Variants in CRISPLD2 observed in about 807,000 individuals in gnomAD.
The protein encoded by CRISPLD2 is cysteine rich secretory protein LCCL domain containing 2, also known as cysteine-rich secretory protein LCCL domain-containing 2.
Under a neutral mutation model 71.1 loss-of-function variants are expected in CRISPLD2, and 47 were observed. That is an observed-to-expected ratio of 0.66 (90% CI 0.52 to 0.84). The LOEUF is 0.84. CRISPLD2 is among the 40% of genes least tolerant of loss of function. The pLI is 0.00. For missense variants in CRISPLD2, 830 were observed against 651.1 expected (o/e 1.27, Z -2.99); for synonymous variants, 317 against 250.1 (o/e 1.27, Z -2.52).
rs55718020 is a variant in CRISPLD2, at chr16:84,857,132, G to A, written c.709+2303G>A. 4.9e-3 allele frequency among the ~76,000 whole-genome samples: 740 copies of A among 152,334 alleles called. 6 individuals carry two copies. Among genetic ancestry groups the A allele is most frequent in the African/African-American group, 0.017 (702 of 41,570 alleles). On this transcript the variant is annotated intron_variant, in intron 6 of 14. Transcript: ENST00000262424. ...TTGGTCTTTGCTGCTGGCAAATTGG[G>A]CACTCAGCAGTGGCCATAGCCAGGT...
At chr16:84,862,615 A>G (rs185015552) in intron 6 of CRISPLD2, among the ~76,000 whole-genome samples, 1 of 143,776 alleles carries the variant, frequency 7.0e-6, no homozygotes, top group Non-Finnish European at 1.5e-5. Context: ...TTCAGAAGTT[A>G]TGTCCCCGAT....
At chr16:84,840,395 T>A (rs1463259984) in intron 2 of CRISPLD2, among the ~76,000 whole-genome samples, 1 of 152,236 alleles carries the variant, frequency 6.6e-6, no homozygotes, top group Non-Finnish European at 1.5e-5. Flanking sequence ...TTAAAGGACT[T>A]GTACAAACCA....
rs1215637162 is a variant in CRISPLD2 at position 84,908,134 on chromosome 16, C to G, written c.*1492C>G. The stretch of plus-strand genomic sequence containing the variant: ...ATTCTACCTGGGCACCTAGGTGATG[C>G]CTTCTTTCTTTGATTGCCTTTCTAA... On this transcript the variant is annotated 3_prime_UTR_variant, in exon 15 of 15. Coordinates refer to ENST00000262424, the MANE Select transcript of CRISPLD2 (RefSeq NM_031476.4). The G allele has an allele frequency of 3.3e-5, 5 of 152,204 alleles. No homozygotes were observed. The highest frequency in any genetic ancestry group is 5.9e-5 in the Non-Finnish European group (4 of 68,040). The allele number at this position is 152,204 out of a possible 1,614,324, so 9.4% of individuals were successfully genotyped here.
chr16:84,878,114 C>T (rs1292718237), intron 12 of CRISPLD2, among the ~76,000 whole-genome samples: 1 of 151,500 alleles, frequency 6.6e-6, no homozygotes, highest in South Asian at 2.1e-4. Flanking sequence ...TTCCCAGCTA[C>T]TCGGGAGTCT....
At chr16:84,895,847 A>G (rs2071701098) in intron 14 of CRISPLD2, among the ~76,000 whole-genome samples, 1 of 152,070 alleles carries the variant, frequency 6.6e-6, no homozygotes, top group Admixed American at 6.6e-5. Flanking sequence ...AGGCTCATGG[A>G]CTTTTTACAG....
At chr16:84,838,861 T>C in intron 2 of CRISPLD2, 126 bp downstream of exon 2, 1 of 1,225,762 alleles carries the variant, frequency 8.2e-7, no homozygotes. Context: ...GGGTCTCCTC[T>C]GGCAGGGGAG....
intron 4 of CRISPLD2, among the ~76,000 whole-genome samples, chr16:84,849,887 T>G (rs1917034444): frequency 8.7e-6 from 1 of 115,274 alleles, no homozygotes; most frequent in Non-Finnish European, 1.9e-5. Flanking sequence ...CTGGCTAATT[T>G]TTGTATTTTT....
intron 1 of CRISPLD2, among the ~76,000 whole-genome samples, chr16:84,821,452 G>A (rs1916229400): frequency 6.6e-6 from 1 of 152,216 alleles, no homozygotes; most frequent in Admixed American, 6.5e-5. Context: ...ACCCCGGGGA[G>A]TAGGCCTCTT....
intron 14 of CRISPLD2, among the ~76,000 whole-genome samples, chr16:84,899,079 A>T (rs2071730979): frequency 6.6e-6 from 1 of 152,102 alleles, no homozygotes; most frequent in South Asian, 2.1e-4. Context: ...TTTTGTAGAG[A>T]CAGGGGTCAC....
chr16:84,874,322 C>T (rs143402936), intron 11 of CRISPLD2, among the ~76,000 whole-genome samples: 158 of 152,316 alleles, frequency 1.0e-3, no homozygotes, highest in Non-Finnish European at 1.8e-3. Context: ...CTGAGGCCTC[C>T]ATCTGGGCTT....
rs545019833 is a variant in CRISPLD2, at chr16:84,861,886, C to T, written c.710-5011C>T. ...TTGAGGCTGCAGTAAGCCATGATGG[C>T]GCCACTGCACTCCAGCCTGGGCAAC... On this transcript the variant is annotated intron_variant, in intron 6 of 14. Coordinates refer to ENST00000262424, the MANE Select transcript of CRISPLD2 (RefSeq NM_031476.4). Among the ~76,000 whole-genome samples, 53 of 152,206 alleles carry T rather than the reference C, an allele frequency of 3.5e-4. No homozygotes were observed. The South Asian group carries it at 6.2e-3, about 18-fold the overall frequency.
intron 8 of CRISPLD2, among the ~76,000 whole-genome samples, chr16:84,870,775 G>C (rs1263712396): frequency 6.6e-6 from 1 of 151,966 alleles, no homozygotes; most frequent in African/African-American, 2.4e-5. Flanking sequence ...ATAAACAGTT[G>C]CGGCCAGGTA....
intron 1 of CRISPLD2, among the ~76,000 whole-genome samples, chr16:84,834,739 T>C (rs1916573724): frequency 6.6e-6 from 1 of 152,146 alleles, no homozygotes; most frequent in Non-Finnish European, 1.5e-5. Context: ...ATCAAGGTGC[T>C]GGCGGGGCTG....
At chr16:84,904,849 A>G (rs964071659) in intron 14 of CRISPLD2, among the ~76,000 whole-genome samples, 3 of 152,250 alleles carry the variant, frequency 2.0e-5, no homozygotes, top group Admixed American at 2.0e-4. Flanking sequence ...GCTAAAAATT[A>G]CAGATGTCTG....
rs1917062260 is a variant in CRISPLD2, at chr16:84,850,640, G to C, written c.565G>C (p.Val189Leu). 6.2e-7 allele frequency: 1 copy of C among 1,614,204 alleles called. No individual in the cohort carries two copies. Among genetic ancestry groups the C allele is most frequent in the Non-Finnish European group, 8.5e-7 (1 of 1,180,042 alleles). ...TCRKMTVWGE[V>L]WENAVYFVCN... ...CCGGAAGATGACTGTCTGGGGAGAA[G>C]TTTGGGAGAACGCGGTCTACTTTGT... The change falls in exon 5 of 15, where the codon GTT becomes CTT. Residue 189 changes from valine to leucine, a missense_variant. Val to Leu is a conservative substitution (Grantham distance 32, BLOSUM62 1). Transcript: ENST00000262424.
chr16:84,870,623 T>C (rs1289377462), intron 8 of CRISPLD2, among the ~76,000 whole-genome samples: 2 of 152,162 alleles, frequency 1.3e-5, no homozygotes, highest in Admixed American at 1.3e-4. Flanking sequence ...AGGCTGCTTA[T>C]GTATTTTCAC....
At chr16:84,860,386 T>G (rs951939353) in intron 6 of CRISPLD2, among the ~76,000 whole-genome samples, 11 of 152,184 alleles carry the variant, frequency 7.2e-5, no homozygotes, top group Non-Finnish European at 1.2e-4. Flanking sequence ...TTCAAGCAGT[T>G]CTTTTCGAGT....
At chr16:84,873,156 G>T in intron 10 of CRISPLD2, 34 bp downstream of exon 10, 2 of 1,596,096 alleles carry the variant, frequency 1.3e-6, no homozygotes, top group Non-Finnish European at 1.7e-6. Context: ...CTGTGAAACG[G>T]TTTTCCTGTT....
At chr16:84,864,469 C>G (rs1917481282) in intron 6 of CRISPLD2, among the ~76,000 whole-genome samples, 1 of 152,216 alleles carries the variant, frequency 6.6e-6, no homozygotes, top group African/African-American at 2.4e-5. Context: ...CCAGCTCCCG[C>G]TCTCAGTGAG....
Sources: allele counts gnomAD v4.1 joint callset (sites outside exome capture counted in the v4.1 genomes callset), GRCh38; gene constraint gnomAD v4.1.1; transcripts MANE v1.5; gene names NCBI Gene and HGNC (gene_info 2026-07-23, HGNC 2026-07-21).